The following PALLD variants were observed in gnomAD, a reference collection of about 807,000 sequenced individuals.
PALLD encodes the protein palladin, cytoskeletal associated protein.
In PALLD, 61 loss-of-function variants were observed where a neutral mutation model predicts 123.5. The observed-to-expected ratio is 0.49, with a 90% confidence interval of 0.40 to 0.61. The LOEUF (loss-of-function observed/expected upper bound fraction) is 0.61, where lower values mean the gene tolerates loss of function less well. Ranked by LOEUF, PALLD falls within the 20% of genes least tolerant of loss-of-function variation. The pLI is 0.00. For synonymous variants in PALLD, 465 were observed against 496.4 expected, an observed-to-expected ratio of 0.94 and a Z score of 0.84; for missense variants, 1,273 against 1,377.0, an observed-to-expected ratio of 0.92 and a Z score of 1.20.
intron 12 of PALLD, among the ~76,000 whole-genome samples, chr4:168,895,829 C>G (rs570851815): frequency 6.6e-6 from 1 of 152,204 alleles, no homozygotes; most frequent in African/African-American, 2.4e-5. Context: ...TCTTTATCTT[C>G]TTTCACATAT....
chr4:168,751,313 A>T (rs1261793373), intron 10 of PALLD, among the ~76,000 whole-genome samples: 1 of 152,154 alleles, frequency 6.6e-6, no homozygotes. Flanking sequence ...TGCCCAGTCC[A>T]CATATTATAT....
At chr4:168,796,330 G>A (rs1196163647) in intron 10 of PALLD, among the ~76,000 whole-genome samples, 2 of 152,160 alleles carry the variant, frequency 1.3e-5, no homozygotes, top group Admixed American at 6.5e-5. Flanking sequence ...GAGAGAAGTC[G>A]TTTTACATTT....
intron 15 of PALLD, among the ~76,000 whole-genome samples, chr4:168,907,337 T>C (rs536933618): frequency 6.6e-6 from 1 of 152,326 alleles, no homozygotes; most frequent in East Asian, 1.9e-4. Context: ...GTTCCCACAG[T>C]ACTGTCAGAA....
chr4:168,727,581 T>G (rs1786723106), intron 10 of PALLD, among the ~76,000 whole-genome samples: 4 of 152,214 alleles, frequency 2.6e-5, no homozygotes. Flanking sequence ...TCTGTTGATT[T>G]AAGTTCCTTA....
intron 2 of PALLD, among the ~76,000 whole-genome samples, chr4:168,588,991 G>A (rs1337660074): frequency 6.6e-6 from 1 of 152,006 alleles, no homozygotes; most frequent in African/African-American, 2.4e-5. Context: ...TTTATGTTTG[G>A]GTCAAAATGA....
At chr4:168,498,622 T>C (rs1761005783) in intron 1 of PALLD, among the ~76,000 whole-genome samples, 1 of 152,192 alleles carries the variant, frequency 6.6e-6, no homozygotes, top group Non-Finnish European at 1.5e-5. Flanking sequence ...AGTTAGAAAT[T>C]CAGGCCATCT....
intron 8 of PALLD, among the ~76,000 whole-genome samples, chr4:168,695,686 G>A (rs1223190250): frequency 6.6e-6 from 1 of 152,106 alleles, no homozygotes; most frequent in Non-Finnish European, 1.5e-5. Flanking sequence ...GTGGTACAGT[G>A]CCCAGCAGAT....
intron 8 of PALLD, among the ~76,000 whole-genome samples, chr4:168,702,901 T>G (rs143978060): frequency 0.1 from 15,531 of 150,490 alleles, 865 homozygotes; most frequent in South Asian, 0.18. Flanking sequence ...TTTTATTTAT[T>G]TATTTATTTA....
chr4:168,664,599 A>C (rs532953371), intron 2 of PALLD, among the ~76,000 whole-genome samples: 8 of 152,266 alleles, frequency 5.3e-5, no homozygotes, highest in African/African-American at 1.9e-4. Context: ...GAAAAGAATA[A>C]ATTTGCCCAG....
chr4:168,619,740 A>G (rs1774572777), intron 2 of PALLD, among the ~76,000 whole-genome samples: 1 of 152,196 alleles, frequency 6.6e-6, no homozygotes, highest in South Asian at 2.1e-4. Context: ...ACAATGTTCG[A>G]GGCTTGGACT....
intron 2 of PALLD, among the ~76,000 whole-genome samples, chr4:168,603,635 T>C (rs554615855): frequency 6.6e-6 from 1 of 152,322 alleles, no homozygotes; most frequent in South Asian, 2.1e-4. Flanking sequence ...CAGGCTACAA[T>C]GCATTTTTGC....
chr4:168,840,919 C>G (rs756079558), intron 10 of PALLD, among the ~76,000 whole-genome samples: 1 of 152,030 alleles, frequency 6.6e-6, no homozygotes, highest in African/African-American at 2.4e-5. Flanking sequence ...GGTGTAATCT[C>G]GGCTCACTGC....
intron 10 of PALLD, among the ~76,000 whole-genome samples, chr4:168,732,488 G>A (rs1236406917): frequency 1.3e-5 from 2 of 152,142 alleles, no homozygotes; most frequent in African/African-American, 4.8e-5. Flanking sequence ...TTCCACTCTT[G>A]TTTCCTCTTA....
intron 10 of PALLD, among the ~76,000 whole-genome samples, chr4:168,861,160 TA>T (rs1749398456): frequency 6.6e-6 from 1 of 152,158 alleles, no homozygotes; most frequent in Non-Finnish European, 1.5e-5. Context: ...TTTGCTTAAG[TA>T]AACTTCAAAA....
chr4:168,551,769 C>G (rs1766758123), intron 2 of PALLD, among the ~76,000 whole-genome samples: 1 of 151,554 alleles, frequency 6.6e-6, no homozygotes, highest in Admixed American at 6.6e-5. Flanking sequence ...TTGGAGGTAG[C>G]AAACCAAGGA....
chr4:168,894,223 A>G (rs1261013620), intron 11 of PALLD: 1 of 308,072 alleles, frequency 3.2e-6, no homozygotes, highest in Admixed American at 4.6e-5. Flanking sequence ...GGATGGCTAT[A>G]AAAATAACAT....
chr4:168,545,267 C>T (rs1766027666), intron 2 of PALLD, among the ~76,000 whole-genome samples: 1 of 152,160 alleles, frequency 6.6e-6, no homozygotes, highest in East Asian at 1.9e-4. Context: ...TGGCTCACAC[C>T]TGTAATCCCA....
At chr4:168,761,825 C>T (rs1263187185) in intron 10 of PALLD, among the ~76,000 whole-genome samples, 1 of 151,756 alleles carries the variant, frequency 6.6e-6, no homozygotes, top group African/African-American at 2.4e-5. Flanking sequence ...ATATTCTATT[C>T]TAGTGTCAGT....
At chr4:168,585,391 T>A (rs1356558465) in intron 2 of PALLD, among the ~76,000 whole-genome samples, 1 of 152,010 alleles carries the variant, frequency 6.6e-6, no homozygotes, top group Non-Finnish European at 1.5e-5. Context: ...ATAGATGAGG[T>A]GTAACTAACA....
Sources: allele counts gnomAD v4.1 joint callset (sites outside exome capture counted in the v4.1 genomes callset), GRCh38; gene constraint gnomAD v4.1.1; transcripts MANE v1.5; gene names NCBI Gene and HGNC (gene_info 2026-07-23, HGNC 2026-07-21).